The following SLC22A23 variants were observed in gnomAD, a reference collection of about 807,000 sequenced individuals.
SLC22A23 encodes solute carrier family 22 member 23.
SLC22A23 carries 26 observed loss-of-function variants against 61.0 expected under a neutral mutation model. The observed-to-expected ratio is 0.43, with a 90% CI of 0.31 to 0.59. The LOEUF is 0.59. Among genes scored for constraint, SLC22A23 ranks in the 20% least tolerant of loss-of-function variants. The pLI is 0.11. For missense variants in SLC22A23, 796 were observed against 934.7 expected (o/e 0.85, Z 1.94); for synonymous variants, 430 against 413.9 (o/e 1.04, Z -0.47).
In SLC22A23 at chr6:3,322,714, C is replaced by T. The variant is rs569225324; in HGVS notation, c.1082+1120G>A. ...AGTACATCTACTACCAGGGCAGGGG[C>T]GGGGGGCAGTACCACTAAGCCAAAA... On this transcript the variant is annotated intron_variant, in intron 4 of 9. Coordinates refer to ENST00000406686, the MANE Select transcript of SLC22A23 (RefSeq NM_015482.2). This position sits in a 1 kb window ranked among gnomAD's most constrained non-coding sequence, Gnocchi z 4.1. Among the ~76,000 whole-genome samples, 18 of 152,220 alleles carry T rather than the reference C, an allele frequency of 1.2e-4. No homozygotes were observed. The East Asian group carries it at 2.1e-3, about 18-fold the overall frequency.
At chr6:3,319,049 G>A (rs973655510) in intron 4 of SLC22A23, among the ~76,000 whole-genome samples, 4 of 152,180 alleles carry the variant, frequency 2.6e-5, no homozygotes, top group Admixed American at 1.3e-4. Flanking sequence ...GCCCTCACCC[G>A]GCTCTACGCC....
At chr6:3,339,073 G>C (rs1180469635) in intron 3 of SLC22A23, among the ~76,000 whole-genome samples, 1 of 152,246 alleles carries the variant, frequency 6.6e-6, no homozygotes, top group Non-Finnish European at 1.5e-5. Context: ...GCAGGGTCGA[G>C]GGGAGGGAGG....
At chr6:3,455,814 C>T in intron 1 of SLC22A23, 92 bp downstream of exon 1, 1 of 1,409,616 alleles carries the variant, frequency 7.1e-7, no homozygotes, top group Non-Finnish European at 9.3e-7. Flanking sequence ...CTAGCACCAC[C>T]ACTTTGGGGA....
rs527648889 is a variant in SLC22A23, at chr6:3,329,239, A to G, written c.914-5237T>C. On this transcript the variant is annotated intron_variant, in intron 3 of 9. Transcript: ENST00000406686. The surrounding 1 kb of genome is among the most constrained non-coding windows in gnomAD (Gnocchi z 4.8). ...AGTGATTATAAATAAAATTTTAAAAACCTTTTGAAGCCAATCTTTGAAAAA... is the reference window on the plus strand; with the variant it reads ...AGTGATTATAAATAAAATTTTAAAAGCCTTTTGAAGCCAATCTTTGAAAAA... Among the ~76,000 whole-genome samples the G allele has an allele frequency of 3.4e-5, 5 of 149,170 alleles. No homozygotes were observed. In the South Asian group the frequency reaches 6.5e-4, roughly 19 times the overall value.
rs80070211 is a variant in SLC22A23, at chr6:3,453,555, C to A, written c.654+2351G>T. On this transcript the variant is annotated intron_variant, in intron 1 of 9. Transcript: ENST00000406686. Reference sequence around the variant, plus strand: ...TAGGTAGGTGCTAGGATACCAGCAGCCACATGAGAAAGAGGTCCAGAACTG... The same window carrying A: ...TAGGTAGGTGCTAGGATACCAGCAGACACATGAGAAAGAGGTCCAGAACTG... 9.3e-3 allele frequency among the ~76,000 whole-genome samples: 1,412 copies of A among 152,214 alleles called. 28 individuals carry two copies. Among genetic ancestry groups the A allele is most frequent in the African/African-American group, 0.032 (1,348 of 41,502 alleles).
At chr6:3,447,963 C>A (rs145267168) in intron 1 of SLC22A23, among the ~76,000 whole-genome samples, 1 of 130,260 alleles carries the variant, frequency 7.7e-6, no homozygotes, top group Non-Finnish European at 1.6e-5. Flanking sequence ...AGTGCAATGG[C>A]GCAATCTTGG....
At chr6:3,424,124 C>T (rs527821466) in intron 1 of SLC22A23, among the ~76,000 whole-genome samples, 29 of 152,332 alleles carry the variant, frequency 1.9e-4, no homozygotes, top group Non-Finnish European at 3.7e-4. Flanking sequence ...CCATCAATTC[C>T]GGAAGAGAGC....
rs11754597 is a variant in SLC22A23, at chr6:3,322,368, T to C, written c.1082+1466A>G. Among the ~76,000 whole-genome samples the C allele has an allele frequency of 0.27, 41,059 of 151,968 alleles. 6,841 individuals are homozygous for C. The highest frequency in any genetic ancestry group is 0.37 in the Non-Finnish European group (25,378 of 67,878). On this transcript the variant is annotated intron_variant, in intron 4 of 9. Coordinates refer to ENST00000406686, the MANE Select transcript of SLC22A23 (RefSeq NM_015482.2). This position sits in a 1 kb window ranked among gnomAD's most constrained non-coding sequence, Gnocchi z 4.1. ...GGGGCAGAAAGACTTCCTTAGGAGA[T>C]AGAAGGAAGAGAGCTGCCCACTCCA...
chr6:3,421,153 A>G (rs1251796348), intron 1 of SLC22A23, among the ~76,000 whole-genome samples: 1 of 152,222 alleles, frequency 6.6e-6, no homozygotes, highest in Non-Finnish European at 1.5e-5. Flanking sequence ...GTTTTTCAAA[A>G]AGAAAATTTT....
chr6:3,310,146 CTG>C (rs1379472270), intron 4 of SLC22A23, among the ~76,000 whole-genome samples: 5 of 152,144 alleles, frequency 3.3e-5, no homozygotes, highest in African/African-American at 7.2e-5. Flanking sequence ...GAAAATTTCT[CTG>C]TGTTTTCTTA....
chr6:3,367,601 T>C (rs1486052865), intron 3 of SLC22A23, among the ~76,000 whole-genome samples: 1 of 152,102 alleles, frequency 6.6e-6, no homozygotes, highest in Non-Finnish European at 1.5e-5. Flanking sequence ...AGGAAAACAC[T>C]CATGTTCCCA....
intron 4 of SLC22A23, among the ~76,000 whole-genome samples, chr6:3,323,103 G>C (rs1698193585): frequency 6.6e-6 from 1 of 152,104 alleles, no homozygotes; most frequent in East Asian, 1.9e-4. Flanking sequence ...TTACCAGTGT[G>C]TTTAGTGTTC....
rs755918949 is a variant in SLC22A23, at chr6:3,272,688, G to A, written c.*367C>T. On this transcript the variant is annotated 3_prime_UTR_variant, in exon 10 of 10. Coordinates refer to ENST00000406686, the MANE Select transcript of SLC22A23 (RefSeq NM_015482.2). ...GAGCCGTGTCCCATCTCCCCAGAGG[G>A]ACCGGCCATGGCCCTGGTCACTGTG... The A allele has an allele frequency of 2.4e-4, 40 of 165,036 alleles. No homozygotes were observed. Among genetic ancestry groups the A allele is most frequent in the Non-Finnish European group, 1.7e-4 (13 of 76,214 alleles). 10.2% of individuals were successfully genotyped at this position (165,036 alleles called of 1,614,324 possible). A position where few individuals can be genotyped will look rare whatever the true frequency, so the allele number is the denominator to read the frequency against.
chr6:3,334,455 C>T (rs1763741877), intron 3 of SLC22A23, among the ~76,000 whole-genome samples: 1 of 152,160 alleles, frequency 6.6e-6, no homozygotes, highest in African/African-American at 2.4e-5. Flanking sequence ...GCCACTGCGC[C>T]CAGCGTAGAT....
intron 4 of SLC22A23, among the ~76,000 whole-genome samples, chr6:3,310,873 G>GA (rs1468615831): frequency 6.6e-6 from 1 of 152,174 alleles, no homozygotes; most frequent in Non-Finnish European, 1.5e-5. Context: ...TACTCATAAA[G>GA]AAAATACAGG....
rs35091219 is a variant in SLC22A23, at chr6:3,271,553, C to T, written c.*1502G>A. ...AGTCACTTCATTGTCTCACCCAGGC[C>T]CGAGACCACAATTTCCCTGGAAGGA... On this transcript the variant is annotated 3_prime_UTR_variant, in exon 10 of 10. Coordinates refer to ENST00000406686, the MANE Select transcript of SLC22A23 (RefSeq NM_015482.2). The T allele has an allele frequency of 0.085, 12,984 of 152,358 alleles. 1,489 individuals carry two copies. Among genetic ancestry groups the T allele is most frequent in the African/African-American group, 0.26 (10,824 of 41,464 alleles). The allele number at this position is 152,358 out of a possible 1,614,324, so 9.4% of individuals were successfully genotyped here.
At chr6:3,448,194 C>T (rs576252062) in intron 1 of SLC22A23, among the ~76,000 whole-genome samples, 12 of 152,072 alleles carry the variant, frequency 7.9e-5, no homozygotes, top group South Asian at 2.1e-4. Context: ...TGAGCCACCG[C>T]GCCCGGCCAA....
intron 9 of SLC22A23, among the ~76,000 whole-genome samples, chr6:3,276,109 TTGTGTG>T (rs112452724): frequency 6.6e-6 from 1 of 150,708 alleles, no homozygotes; most frequent in African/African-American, 2.4e-5. Flanking sequence ...AGAATGGTGA[TTGTGTG>T]TGTGTGTGTG....
intron 1 of SLC22A23, chr6:3,432,114 G>A: frequency 2.7e-6 from 2 of 738,076 alleles, no homozygotes; most frequent in Non-Finnish European, 3.3e-6. Flanking sequence ...AGGTTCCAGG[G>A]GGCTGAGTAA....
Sources: allele counts gnomAD v4.1 joint callset (sites outside exome capture counted in the v4.1 genomes callset), GRCh38; gene constraint gnomAD v4.1.1; non-coding constraint Gnocchi (gnomAD v3.1); transcripts MANE v1.5; gene names NCBI Gene and HGNC (gene_info 2026-07-23, HGNC 2026-07-21).